The following DLGAP2 variants were observed in gnomAD, a reference collection of about 807,000 sequenced individuals.
The protein encoded by DLGAP2 is DLG associated protein 2.
DLGAP2 carries 26 observed loss-of-function variants against 100.3 expected under a neutral mutation model. That is an observed-to-expected ratio of 0.26 (90% CI 0.19 to 0.36). The LOEUF (loss-of-function observed/expected upper bound fraction) is 0.36, where lower values mean the gene tolerates loss of function less well. Ranked by LOEUF, DLGAP2 falls within the 10% of genes least tolerant of loss-of-function variation. The pLI, the probability that DLGAP2 is intolerant of heterozygous loss-of-function variation, is 1.00. For missense variants in DLGAP2, 1,858 were observed against 1,453.2 expected, an observed-to-expected ratio of 1.28 and a Z score of -4.53; for synonymous variants, 886 against 630.1, an observed-to-expected ratio of 1.41 and a Z score of -6.08.
intron 3 of DLGAP2, among the ~76,000 whole-genome samples, chr8:1,463,759 A>C (rs918053616): frequency 3.9e-5 from 6 of 152,378 alleles, no homozygotes; most frequent in Admixed American, 2.6e-4. Flanking sequence ...CTCCTCCGTC[A>C]GATGGGCCTG....
intron 2 of DLGAP2, among the ~76,000 whole-genome samples, chr8:1,213,881 C>T (rs1283304641): frequency 1.3e-5 from 2 of 152,188 alleles, no homozygotes; most frequent in Non-Finnish European, 2.9e-5. Flanking sequence ...CAGACTCCGC[C>T]CCATCACTCG....
At chr8:1,259,155 C>T (rs955285583) in intron 3 of DLGAP2, among the ~76,000 whole-genome samples, 1 of 152,212 alleles carries the variant, frequency 6.6e-6, no homozygotes, top group Non-Finnish European at 1.5e-5. Flanking sequence ...GACAAATTTC[C>T]ATCAGTTTCT....
chr8:1,549,660 C>G lies in DLGAP2; in HGVS notation c.1207C>G (p.Leu403Val). ...PLLHQDAKPALRPCHYLQVPQ... is the reference protein window; with the variant it reads ...PLLHQDAKPAVRPCHYLQVPQ... The stretch of plus-strand genomic sequence containing the variant: ...GCTGCACCAGGACGCCAAGCCCGCC[C>G]TGAGGCCGTGCCACTACCTCCAGGT... Residue 403 changes from leucine to valine, a missense_variant, in exon 5 of 15, where the codon CTG (leucine) becomes GTG (valine). Transcript: ENST00000637795. The G allele has an allele frequency of 6.4e-7, 1 of 1,560,818 alleles. No individual in the cohort carries two copies. Among genetic ancestry groups the G allele is most frequent in the Non-Finnish European group, 8.7e-7 (1 of 1,152,876 alleles).
intron 1 of DLGAP2, among the ~76,000 whole-genome samples, chr8:785,856 C>G (rs1168481986): frequency 7.2e-6 from 1 of 139,702 alleles, no homozygotes. Context: ...TCAGGCCCCT[C>G]TGAGACCGGC....
intron 6 of DLGAP2, among the ~76,000 whole-genome samples, chr8:1,593,096 C>T (rs1275713917): frequency 6.6e-6 from 1 of 152,058 alleles, no homozygotes; most frequent in South Asian, 2.1e-4. Flanking sequence ...AAGGTCTGGG[C>T]CCTCCTTCCC....
intron 1 of DLGAP2, among the ~76,000 whole-genome samples, chr8:843,923 A>G (rs1164028815): frequency 6.6e-6 from 1 of 152,206 alleles, no homozygotes; most frequent in Non-Finnish European, 1.5e-5. Flanking sequence ...CTTGTTTTAG[A>G]CACACTTTAA....
At chr8:1,213,632 G>C (rs1798153334) in intron 2 of DLGAP2, among the ~76,000 whole-genome samples, 1 of 152,132 alleles carries the variant, frequency 6.6e-6, no homozygotes, top group African/African-American at 2.4e-5. Context: ...GCATTCCTTA[G>C]GGAGCTTCCC....
intron 3 of DLGAP2, among the ~76,000 whole-genome samples, chr8:1,455,036 AG>A (rs528316235): frequency 2.0e-5 from 3 of 150,592 alleles, no homozygotes; most frequent in African/African-American, 4.8e-5. Context: ...GGGTCTGGGG[AG>A]GGGGGGATAC....
intron 6 of DLGAP2, among the ~76,000 whole-genome samples, chr8:1,591,386 C>A (rs1033738953): frequency 1.4e-4 from 22 of 152,154 alleles, no homozygotes; most frequent in Admixed American, 1.4e-3. Flanking sequence ...AAAGAAAGGG[C>A]CCTCCTGGTC....
chr8:1,196,442 A>G (rs1797751182), intron 2 of DLGAP2, among the ~76,000 whole-genome samples: 1 of 152,178 alleles, frequency 6.6e-6, no homozygotes, highest in Admixed American at 6.5e-5. Flanking sequence ...TGAGTGAACG[A>G]GACAGTGATC....
At chr8:1,277,151 A>T (rs923550904) in intron 3 of DLGAP2, among the ~76,000 whole-genome samples, 2 of 152,226 alleles carry the variant, frequency 1.3e-5, no homozygotes, top group African/African-American at 4.8e-5. Context: ...GGCAGAATCT[A>T]GAAATCTCAG....
chr8:1,470,853 C>T (rs1350288485), intron 3 of DLGAP2, among the ~76,000 whole-genome samples: 1 of 39,752 alleles, frequency 2.5e-5, no homozygotes, highest in South Asian at 1.2e-3. Context: ...CTTTCCCGAC[C>T]CCTCCAGCCT....
intron 2 of DLGAP2, among the ~76,000 whole-genome samples, chr8:921,411 A>G (rs1448677166): frequency 1.3e-5 from 2 of 152,064 alleles, no homozygotes; most frequent in African/African-American, 4.8e-5. Context: ...GTCTATGGCC[A>G]TTTCTGTGTC....
At chr8:1,242,958 G>A (rs1295192400) in intron 2 of DLGAP2, among the ~76,000 whole-genome samples, 1 of 152,046 alleles carries the variant, frequency 6.6e-6, no homozygotes, top group Non-Finnish European at 1.5e-5. Flanking sequence ...TGGATGGACA[G>A]AACTTTCTCT....
intron 2 of DLGAP2, among the ~76,000 whole-genome samples, chr8:1,073,247 A>G (rs1027918735): frequency 4.6e-5 from 7 of 152,232 alleles, no homozygotes; most frequent in African/African-American, 1.2e-4. Flanking sequence ...ATCAATTTAT[A>G]TATTCTTCCA....
intron 2 of DLGAP2, among the ~76,000 whole-genome samples, chr8:1,213,568 G>C (rs947697715): frequency 6.6e-6 from 1 of 152,150 alleles, no homozygotes; most frequent in Non-Finnish European, 1.5e-5. Flanking sequence ...TTGCTGGGTA[G>C]GTTTTCTGCG....
At chr8:1,102,301 A>C (rs1231730102) in intron 2 of DLGAP2, among the ~76,000 whole-genome samples, 1 of 147,598 alleles carries the variant, frequency 6.8e-6, no homozygotes, top group African/African-American at 2.5e-5. Context: ...ATTACATGTA[A>C]TATATAATTA....
chr8:1,216,478 A>G (rs1005354046), intron 2 of DLGAP2, among the ~76,000 whole-genome samples: 4 of 151,320 alleles, frequency 2.6e-5, no homozygotes, highest in African/African-American at 9.7e-5. Context: ...CCTCCCACGT[A>G]TGTGCCACCA....
At chr8:1,547,772 GA>G (rs1801592896) in intron 4 of DLGAP2, among the ~76,000 whole-genome samples, 1 of 152,186 alleles carries the variant, frequency 6.6e-6, no homozygotes, top group Non-Finnish European at 1.5e-5. Flanking sequence ...AGGACACAGG[GA>G]GGAGTCAAGC....
Sources: allele counts gnomAD v4.1 joint callset (sites outside exome capture counted in the v4.1 genomes callset), GRCh38; gene constraint gnomAD v4.1.1; transcripts MANE v1.5; gene names NCBI Gene and HGNC (gene_info 2026-07-23, HGNC 2026-07-21).